The following TOX variants were observed in gnomAD, a reference collection of about 807,000 sequenced individuals.
The protein encoded by TOX is thymocyte selection associated high mobility group box, also known as thymocyte selection-associated high mobility group box protein TOX.
In TOX, 11 loss-of-function variants were observed where a neutral mutation model predicts 53.7. The observed-to-expected ratio is 0.20, with a 90% confidence interval of 0.13 to 0.34. The LOEUF is 0.34. Ranked by LOEUF, TOX falls within the 10% of genes least tolerant of loss-of-function variation. TOX has a pLI of 1.00. For synonymous variants in TOX, 225 were observed against 245.3 expected (o/e 0.92, Z 0.77); for missense variants, 570 against 664.6 (o/e 0.86, Z 1.56).
In TOX at chr8:59,047,898, T is replaced by G. The variant is rs1349603281; in HGVS notation, c.102+70988A>C. Among the ~76,000 whole-genome samples, 5 of 152,302 alleles carry G rather than the reference T, an allele frequency of 3.3e-5. No homozygotes were observed. The East Asian group carries it at 9.6e-4, about 29-fold the overall frequency. ...GTCTAACAGGAAAAAATTATTGCAA[T>G]ATAAGTTCTTGCATTTCACATGGAT... On this transcript the variant is annotated intron_variant, in intron 1 of 8. Coordinates refer to ENST00000361421, the MANE Select transcript of TOX (RefSeq NM_014729.3).
chr8:58,958,764 C>T (rs1335020961), intron 2 of TOX, among the ~76,000 whole-genome samples: 2 of 152,260 alleles, frequency 1.3e-5, no homozygotes, highest in Middle Eastern at 6.8e-3. Flanking sequence ...ACCTTTTCAG[C>T]TGAACAATAC....
intron 4 of TOX, among the ~76,000 whole-genome samples, chr8:58,840,903 C>T (rs1184103718): frequency 6.6e-6 from 1 of 152,180 alleles, no homozygotes; most frequent in Non-Finnish European, 1.5e-5. Context: ...CCCACTGGTT[C>T]CCTGACACCA....
intron 3 of TOX, among the ~76,000 whole-genome samples, chr8:58,929,224 GA>G (rs952030222): frequency 1.3e-5 from 2 of 151,818 alleles, no homozygotes; most frequent in East Asian, 1.9e-4. Context: ...TTAGTTGAAA[GA>G]AAAAAAGACA....
rs969916722 is a variant in TOX, at chr8:58,987,157, C to A, written c.103-27149G>T. On this transcript the variant is annotated intron_variant, in intron 1 of 8. Coordinates refer to ENST00000361421, the MANE Select transcript of TOX (RefSeq NM_014729.3). ...AGAAATTGGGGGTAGTTATTTGACTCTAGAAAATCCCTAAATTTGCATAAC... is the reference window on the plus strand; with the variant it reads ...AGAAATTGGGGGTAGTTATTTGACTATAGAAAATCCCTAAATTTGCATAAC... Among the ~76,000 whole-genome samples the A allele has an allele frequency of 2.0e-5, 3 of 152,298 alleles. No individual in the cohort carries two copies. In the South Asian group the frequency reaches 6.2e-4, roughly 32 times the overall value.
chr8:58,874,234 A>T lies in TOX; in HGVS notation c.412-22429T>A, dbSNP rs564286792. On this transcript the variant is annotated intron_variant, in intron 3 of 8. Transcript: ENST00000361421. ...CCCCTGCCCTTTGGTAGATTTTTTT[A>T]AAAAAAACTTTTGGTATTAAAATTT... Among the ~76,000 whole-genome samples the T allele has an allele frequency of 3.4e-4, 50 of 147,074 alleles. 1 individual carries two copies. Among genetic ancestry groups the T allele is most frequent in the African/African-American group, 8.9e-4 (33 of 37,044 alleles).
intron 1 of TOX, among the ~76,000 whole-genome samples, chr8:58,968,808 A>G (rs2129179419): frequency 6.6e-6 from 1 of 152,322 alleles, no homozygotes; most frequent in Admixed American, 6.5e-5. Flanking sequence ...ACAAAAAATA[A>G]GACTAGTAAG....
intron 1 of TOX, among the ~76,000 whole-genome samples, chr8:59,034,864 C>T (rs9693712): frequency 0.5 from 75,721 of 152,074 alleles, 20,440 homozygotes; most frequent in Non-Finnish European, 0.6. Context: ...AGCAACCCTA[C>T]GGGGTAGGAA....
intron 1 of TOX, among the ~76,000 whole-genome samples, chr8:59,030,960 C>G (rs536020112): frequency 1.3e-5 from 2 of 152,264 alleles, no homozygotes; most frequent in South Asian, 4.1e-4. Context: ...TATGAAGTAT[C>G]ACATTCATAT....
At chr8:59,006,421 T>C (rs1280685432) in intron 1 of TOX, among the ~76,000 whole-genome samples, 1 of 152,174 alleles carries the variant, frequency 6.6e-6, no homozygotes, top group Non-Finnish European at 1.5e-5. Context: ...GCTATTGTGA[T>C]GGATGTTTGC....
intron 1 of TOX, among the ~76,000 whole-genome samples, chr8:58,973,028 C>G (rs1227222701): frequency 6.6e-6 from 1 of 152,108 alleles, no homozygotes; most frequent in African/African-American, 2.4e-5. Flanking sequence ...TTAAGTAAGA[C>G]TGGGGTGGAA....
Position 58,808,206 on chromosome 8 carries a change from C to A in TOX, c.1456G>T (p.Val486Phe). ...CGCACATACTCCATTGCCTGGGTGACAACTTGTGCAGCTGTAGATGTAGGA... is the reference window on the plus strand; with the variant it reads ...CGCACATACTCCATTGCCTGGGTGAAAACTTGTGCAGCTGTAGATGTAGGA... ...INPTSTAAQVVTQAMEYVRSG... is the reference protein window; with the variant it reads ...INPTSTAAQVFTQAMEYVRSG... Residue 486 changes from valine (V) to phenylalanine (F), a missense_variant, in exon 8 of 9, where the codon GTC becomes TTC. This residue lies in a region of TOX where 239 missense variants were observed against 250.7 expected (regional missense o/e 0.95). Coordinates refer to ENST00000361421, the MANE Select transcript of TOX (RefSeq NM_014729.3). The A allele has an allele frequency of 6.2e-7, 1 of 1,614,112 alleles. No individual in the cohort carries two copies. The highest frequency in any genetic ancestry group is 2.2e-5 in the East Asian group (1 of 44,872).
Position 58,852,326 on chromosome 8 carries a change from G to A in TOX, c.412-521C>T, listed in dbSNP as rs1028767885. 9.0e-4 allele frequency among the ~76,000 whole-genome samples: 137 copies of A among 152,094 alleles called. 2 individuals carry two copies. The highest frequency in any genetic ancestry group is 1.8e-4 in the Non-Finnish European group (12 of 68,006). On this transcript the variant is annotated intron_variant, in intron 3 of 8. Coordinates refer to ENST00000361421, the MANE Select transcript of TOX (RefSeq NM_014729.3). ...CTTGTACTCAGTTTAAAGCTTTACAGGGTATTACTAGCCAAAATGATCTCC... is the reference window on the plus strand; with the variant it reads ...CTTGTACTCAGTTTAAAGCTTTACAAGGTATTACTAGCCAAAATGATCTCC...
intron 6 of TOX, among the ~76,000 whole-genome samples, chr8:58,821,939 G>C (rs1318641130): frequency 1.3e-5 from 2 of 152,086 alleles, no homozygotes; most frequent in Admixed American, 1.3e-4. Context: ...AGAGACTACA[G>C]ACTCCTCAGT....
chr8:58,826,845 A>G lies in TOX; in HGVS notation c.982T>C (p.Tyr328His). The G allele has an allele frequency of 6.2e-7, 1 of 1,611,822 alleles. No individual in the cohort carries two copies. The highest frequency in any genetic ancestry group is 8.5e-7 in the Non-Finnish European group (1 of 1,179,146). The change falls in exon 6 of 9, where the codon TAC (tyrosine) becomes CAC (histidine). Residue 328 changes from tyrosine (Y) to histidine (H), a missense_variant. Physicochemically the swap from Tyr to His is moderately conservative, Grantham distance 83. Transcript: ENST00000361421. ...ACCTTGGATACAAGGCTGGCTCTGT[A>G]TGCTGCGAGTTGCTTCAGGTACTCC... ...KKEYLKQLAAYRASLVSKSYS... is the reference protein window; with the variant it reads ...KKEYLKQLAAHRASLVSKSYS...
intron 1 of TOX, among the ~76,000 whole-genome samples, chr8:59,046,128 A>G (rs1311406479): frequency 6.6e-6 from 1 of 152,094 alleles, no homozygotes; most frequent in Non-Finnish European, 1.5e-5. Context: ...GATGATTTTT[A>G]CCCTCCATGT....
intron 3 of TOX, among the ~76,000 whole-genome samples, chr8:58,882,551 T>C (rs1349483690): frequency 6.6e-6 from 1 of 152,228 alleles, no homozygotes; most frequent in Non-Finnish European, 1.5e-5. Context: ...TCTAAGCTTT[T>C]AAGGGTATCT....
intron 3 of TOX, among the ~76,000 whole-genome samples, chr8:58,865,836 T>TC (rs1811088908): frequency 9.7e-6 from 1 of 102,570 alleles, no homozygotes; most frequent in African/African-American, 4.0e-5. Flanking sequence ...GCTTTTTTTT[T>TC]TTTTTTTTTT....
At chr8:58,963,044 A>C (rs2129178759) in intron 1 of TOX, among the ~76,000 whole-genome samples, 2 of 152,330 alleles carry the variant, frequency 1.3e-5, no homozygotes, top group South Asian at 4.1e-4. Context: ...TAGAACAGTA[A>C]GGACTGACTA....
intron 3 of TOX, among the ~76,000 whole-genome samples, chr8:58,920,749 G>GA (rs67652722): frequency 0.63 from 69,664 of 110,990 alleles, 19,909 homozygotes; most frequent in East Asian, 0.71. Context: ...AAAAAAAGAA[G>GA]AAAAAAAAAA....
Sources: gnomAD v4.1 joint callset for allele counts (sites outside exome capture counted in the v4.1 genomes callset) on GRCh38, gnomAD v4.1.1 for gene constraint, gnomAD v4.1.1 regional missense constraint, MANE v1.5 for transcripts, NCBI Gene and HGNC (gene_info 2026-07-23, HGNC 2026-07-21) for gene names.